The following UNC80 variants were observed in gnomAD, a reference collection of about 807,000 sequenced individuals.
UNC80 encodes protein unc-80 homolog.
UNC80 carries 164 observed loss-of-function variants against 384.6 expected under a neutral mutation model. That is an observed-to-expected ratio of 0.43 (90% CI 0.38 to 0.49). The LOEUF is 0.49. UNC80 is among the 20% of genes least tolerant of loss of function. The pLI is 0.00. For synonymous variants in UNC80, 1,486 were observed against 1,527.8 expected, an observed-to-expected ratio of 0.97 and a Z score of 0.64; for missense variants, 3,330 against 4,143.0, an observed-to-expected ratio of 0.80 and a Z score of 5.39.
intron 21 of UNC80, among the ~76,000 whole-genome samples, chr2:209,847,515 T>C (rs1407605211): frequency 2.0e-5 from 3 of 152,040 alleles, no homozygotes; most frequent in Admixed American, 6.6e-5. Flanking sequence ...TGACCTGTAA[T>C]AAATATATAT....
rs2075117 is a variant in UNC80 at position 209,978,659 on chromosome 2, G to A, written c.9069G>A (p.Gln3023=). The A allele has an allele frequency of 0.63, 971,318 of 1,549,750 alleles. 305,491 individuals are homozygous for A. The highest frequency in any genetic ancestry group is 0.67 in the South Asian group (56,124 of 83,932). ...TVWEQDSEPS[Q]QASQDTLSRT... is the part of the protein sequence containing the mutation. The stretch of plus-strand genomic sequence containing the variant: ...GGGAGCAGGACAGTGAGCCATCCCA[G>A]CAGGCTTCGCAGGACACCCTGAGTC... The change falls in exon 59 of 65, where the codon CAG becomes CAA. Residue 3023 remains glutamine, a synonymous_variant. Coordinates refer to ENST00000673920, the MANE Select transcript of UNC80 (RefSeq NM_001371986.1).
intron 29 of UNC80, among the ~76,000 whole-genome samples, chr2:209,905,632 G>T (rs1339433422): frequency 6.6e-6 from 1 of 152,152 alleles, no homozygotes; most frequent in Non-Finnish European, 1.5e-5. Flanking sequence ...AGCTATGAAG[G>T]TTGTGGTCAC....
intron 48 of UNC80, among the ~76,000 whole-genome samples, chr2:209,954,813 A>G (rs953812159): frequency 1.3e-5 from 2 of 152,180 alleles, no homozygotes; most frequent in African/African-American, 4.8e-5. Context: ...GGACAGGATT[A>G]AATAATGCGG....
intron 28 of UNC80, 86 bp downstream of exon 28, chr2:209,896,499 TA>T: frequency 9.0e-7 from 1 of 1,105,502 alleles, no homozygotes; most frequent in East Asian, 2.6e-5. Context: ...GAGATTATAC[TA>T]AATCATCAAT....
chr2:209,819,301 A>G (rs1202574882), intron 12 of UNC80, 40 bp downstream of exon 12: 1 of 1,510,928 alleles, frequency 6.6e-7, no homozygotes, highest in Non-Finnish European at 8.9e-7. Flanking sequence ...TTAGACAGAT[A>G]TTAATTATTT....
intron 18 of UNC80, among the ~76,000 whole-genome samples, chr2:209,836,642 T>C (rs1344896457): frequency 6.6e-6 from 1 of 152,184 alleles, no homozygotes; most frequent in Non-Finnish European, 1.5e-5. Flanking sequence ...ATGGAACTTT[T>C]TCATGATCCC....
chr2:209,968,737 TC>T (rs1452692793), intron 52 of UNC80: 2 of 152,148 alleles, frequency 1.3e-5, no homozygotes, highest in Non-Finnish European at 2.9e-5. Context: ...CAAAATAAAT[TC>T]CTTTCTTAAA....
At chr2:209,991,693 C>T (rs2093394811) in intron 61 of UNC80, among the ~76,000 whole-genome samples, 1 of 152,168 alleles carries the variant, frequency 6.6e-6, no homozygotes, top group East Asian at 1.9e-4. Context: ...TTGAATGTGC[C>T]CCTTCACCCA....
At chr2:209,865,856 CTCTT>C (rs1317253876) in intron 22 of UNC80, among the ~76,000 whole-genome samples, 1 of 152,072 alleles carries the variant, frequency 6.6e-6, no homozygotes, top group Non-Finnish European at 1.5e-5. Context: ...AATTGAAAAT[CTCTT>C]TATTTTGATC....
At position 209,820,479 on chromosome 2, in the gene UNC80, C is replaced by A; in HGVS notation, c.2131C>A (p.Pro711Thr). Residue 711 changes from proline (P) to threonine (T), a missense_variant, in exon 13 of 65, where the codon CCA becomes ACA. Physicochemically the swap from Pro to Thr is conservative, Grantham distance 38. Around this residue, in one of 8 missense-constraint regions of UNC80, gnomAD observed 937 missense variants for 1,026.8 expected, o/e 0.91. Transcript: ENST00000673920. ...NKENETLEKR[P>T]SEGAFQFKGV... Reference sequence around the variant, plus strand: ...GGAAAATGAGACCTTGGAAAAGAGGCCAAGTGAGGGAGCTTTCCAATTCAA... The same window carrying A: ...GGAAAATGAGACCTTGGAAAAGAGGACAAGTGAGGGAGCTTTCCAATTCAA... 1 of 1,551,520 alleles carries A rather than the reference C, an allele frequency of 6.4e-7. No homozygotes were observed. The highest frequency in any genetic ancestry group is 1.2e-5 in the South Asian group (1 of 84,050).
intron 28 of UNC80, among the ~76,000 whole-genome samples, chr2:209,903,424 ATATT>A (rs1267935197): frequency 8.7e-6 from 1 of 115,126 alleles, no homozygotes. Context: ...CACATTATAT[ATATT>A]TATATATATA....
chr2:209,835,154 G>A, intron 18 of UNC80, 144 bp downstream of exon 18: 1 of 607,706 alleles, frequency 1.6e-6, no homozygotes, highest in Non-Finnish European at 2.9e-6. Context: ...CATTCCCAAT[G>A]CCACTAACTC....
Position 209,969,775 on chromosome 2 carries a change from G to A in UNC80, c.8014G>A (p.Val2672Ile), listed in dbSNP as rs370951034. 4 of 1,551,676 alleles carry A rather than the reference G, an allele frequency of 2.6e-6. No individual in the cohort carries two copies. Among genetic ancestry groups the A allele is most frequent in the Non-Finnish European group, 2.6e-6 (3 of 1,146,958 alleles). Residue 2672 changes from valine (V) to isoleucine (I), a missense_variant, in exon 53 of 65, where the codon GTT (valine) becomes ATT (isoleucine). Transcript: ENST00000673920. ...IHKMPTLRRQ[V>I]EWEPASNLIE... ...GCCTATATTGTATTCCAGGCGACAG[G>A]TTGAGTGGGAGCCTGCCAGCAATTT... is the stretch of plus-strand genomic sequence containing the variant.
intron 14 of UNC80, among the ~76,000 whole-genome samples, chr2:209,828,192 T>G (rs983340200): frequency 6.6e-5 from 10 of 152,204 alleles, no homozygotes; most frequent in African/African-American, 2.4e-4. Context: ...AATGCTGCAA[T>G]AAACATCTTC....
At chr2:209,833,209 C>T (rs147137164) in intron 16 of UNC80, among the ~76,000 whole-genome samples, 1,790 of 149,604 alleles carry the variant, frequency 0.012, 38 homozygotes, top group African/African-American at 0.04. Flanking sequence ...GTTTTGAAAA[C>T]CAAAACTATG....
intron 8 of UNC80, among the ~76,000 whole-genome samples, 152 bp from the exon 9 acceptor site, chr2:209,815,105 G>C (rs1204286001): frequency 6.6e-6 from 1 of 152,094 alleles, no homozygotes; most frequent in Non-Finnish European, 1.5e-5. Context: ...CTCACTAGCA[G>C]AATTTGGATT....
chr2:209,880,702 C>T (rs1407296715), intron 24 of UNC80, among the ~76,000 whole-genome samples: 1 of 152,162 alleles, frequency 6.6e-6, no homozygotes. Flanking sequence ...TATTTTAATA[C>T]TGAAGCACTC....
intron 51 of UNC80, among the ~76,000 whole-genome samples, chr2:209,963,608 CTTAT>C (rs1169369427): frequency 2.0e-5 from 3 of 152,148 alleles, no homozygotes; most frequent in Non-Finnish European, 4.4e-5. Context: ...TAGATATACT[CTTAT>C]TTGTCACACA....
In UNC80 at chr2:209,817,828, A is replaced by T; in HGVS notation, c.1569A>T (p.Arg523=). Residue 523 remains arginine, a synonymous_variant, in exon 11 of 65, where the codon CGA becomes CGT. Transcript: ENST00000673920. Reference sequence around the variant, plus strand: ...TCATCCCAGGGAAATTGACCCGGCGAGGCAGTTCAGATGCAGCCACTGAGA... The same window carrying T: ...TCATCCCAGGGAAATTGACCCGGCGTGGCAGTTCAGATGCAGCCACTGAGA... The part of the protein sequence containing the change: ...QTTILGKLTR[R]GSSDAATEME... 4.5e-6 allele frequency: 7 copies of T among 1,551,582 alleles called. No homozygotes were observed. The highest frequency in any genetic ancestry group is 6.1e-6 in the Non-Finnish European group (7 of 1,146,974).
Sources: allele counts gnomAD v4.1 joint callset (sites outside exome capture counted in the v4.1 genomes callset), GRCh38; gene constraint gnomAD v4.1.1; regional missense constraint gnomAD v4.1.1; transcripts MANE v1.5; gene names NCBI Gene and HGNC (gene_info 2026-07-23, HGNC 2026-07-21).